PKD1L1: variants seen among roughly 807,000 people sequenced by gnomAD.
The protein encoded by PKD1L1 is polycystin-1-like protein 1.
Under a neutral mutation model 323.4 loss-of-function variants are expected in PKD1L1, and 236 were observed. The observed-to-expected ratio is 0.73, with a 90% confidence interval of 0.66 to 0.81. PKD1L1 has a LOEUF of 0.81. Ranked by LOEUF, PKD1L1 falls within the 40% of genes least tolerant of loss-of-function variation. The pLI is 0.00. For missense variants in PKD1L1, 3,320 were observed against 3,508.0 expected (o/e 0.95, Z 1.35); for synonymous variants, 1,344 against 1,335.0 (o/e 1.01, Z -0.15).
intron 31 of PKD1L1, among the ~76,000 whole-genome samples, chr7:47,850,425 A>G (rs1182279735): frequency 6.6e-6 from 1 of 152,184 alleles, no homozygotes; most frequent in Admixed American, 6.5e-5. Flanking sequence ...CGAGGTCAGG[A>G]GTTCAAGGCC....
intron 7 of PKD1L1, among the ~76,000 whole-genome samples, 163 bp downstream of exon 7, chr7:47,929,041 A>G (rs904289545): frequency 6.6e-6 from 1 of 152,190 alleles, no homozygotes; most frequent in African/African-American, 2.4e-5. Context: ...AAACCCACCT[A>G]CGTCCGCAGT....
At position 47,847,071 on chromosome 7, in the gene PKD1L1, T is replaced by C. The variant is rs1213099008; in HGVS notation, c.4961A>G (p.Asp1654Gly). 1 of 1,561,444 alleles carries C rather than the reference T, an allele frequency of 6.4e-7. No homozygotes were observed. Among genetic ancestry groups the C allele is most frequent in the Non-Finnish European group, 8.6e-7 (1 of 1,158,302 alleles). Reference sequence around the variant, plus strand: ...TAAGGATAAATAGCCTACACTGGCATCTAAAAAGAGAAAACATAAATAAAA... The same window carrying C: ...TAAGGATAAATAGCCTACACTGGCACCTAAAAAGAGAAAACATAAATAAAA... ...QIYIPAASQK[D>G]ASVGYLSLLD... Residue 1654 changes from aspartate to glycine, a missense_variant and splice_region_variant, in exon 32 of 57, where the codon GAT (aspartate) becomes GGT (glycine). Physicochemically the swap from Asp to Gly is moderately conservative, Grantham distance 94. Transcript: ENST00000289672.
intron 25 of PKD1L1, 94 bp from the exon 26 acceptor site, chr7:47,865,366 A>G (rs1188517630): frequency 4.5e-6 from 5 of 1,101,368 alleles, no homozygotes; most frequent in Non-Finnish European, 5.3e-6. Flanking sequence ...CTATGTAGAA[A>G]TAGTACAGAT....
chr7:47,822,570 G>A (rs1331843263), intron 45 of PKD1L1, among the ~76,000 whole-genome samples: 1 of 143,222 alleles, frequency 7.0e-6, no homozygotes, highest in Non-Finnish European at 1.5e-5. Context: ...GCTCCAGCCT[G>A]GGTGACAAAG....
intron 54 of PKD1L1, among the ~76,000 whole-genome samples, chr7:47,799,716 C>T (rs545575550): frequency 2.0e-5 from 3 of 152,150 alleles, no homozygotes; most frequent in East Asian, 3.9e-4. Flanking sequence ...TGGAGGGATC[C>T]GAGGGAAGGC....
chr7:47,837,391 G>A (rs879343978), intron 36 of PKD1L1, among the ~76,000 whole-genome samples: 7 of 152,124 alleles, frequency 4.6e-5, no homozygotes, highest in Non-Finnish European at 8.8e-5. Context: ...CTTCTTGGCA[G>A]CCCCCTTGCT....
At chr7:47,904,200 C>A (rs1404326990) in intron 12 of PKD1L1, among the ~76,000 whole-genome samples, 178 bp downstream of exon 12, 1 of 152,190 alleles carries the variant, frequency 6.6e-6, no homozygotes, top group African/African-American at 2.4e-5. Flanking sequence ...CTTTGTCTTT[C>A]CCCTGGACTA....
intron 13 of PKD1L1, among the ~76,000 whole-genome samples, chr7:47,901,164 C>T (rs1787078764): frequency 6.6e-6 from 1 of 151,738 alleles, no homozygotes; most frequent in African/African-American, 2.4e-5. Context: ...GCCAATATGG[C>T]AAAACCCCAT....
At chr7:47,945,714 G>A (rs1769927978) in intron 1 of PKD1L1, among the ~76,000 whole-genome samples, 1 of 152,116 alleles carries the variant, frequency 6.6e-6, no homozygotes. Context: ...TGTCCACCAC[G>A]TGCGCCCCAC....
rs1787877948 is a variant in PKD1L1, at chr7:47,936,899, A to C, written c.345T>G (p.Ala115=). Reference sequence around the variant, plus strand: ...GCGCCTGTGTTTTTTCATTAACAACAGCCTGTGTTTTTTCATTAACAACAC... The same window carrying C: ...GCGCCTGTGTTTTTTCATTAACAACCGCCTGTGTTTTTTCATTAACAACAC... ...ALSVVNEKTQ[A]VVNEKTQAPL... Residue 115 remains alanine (A), a synonymous_variant, in exon 4 of 57, where the codon GCT becomes GCG. Coordinates refer to ENST00000289672, the MANE Select transcript of PKD1L1 (RefSeq NM_138295.5). 1.2e-6 allele frequency: 2 copies of C among 1,613,676 alleles called. No individual in the cohort carries two copies. Among genetic ancestry groups the C allele is most frequent in the African/African-American group, 2.7e-5 (2 of 74,920 alleles).
chr7:47,822,328 C>T (rs1294277222), intron 45 of PKD1L1, among the ~76,000 whole-genome samples: 3 of 152,022 alleles, frequency 2.0e-5, no homozygotes, highest in Non-Finnish European at 2.9e-5. Flanking sequence ...CAGTAGCTCA[C>T]GCCTGTAATC....
At chr7:47,882,161 C>T (rs1477727817) in intron 19 of PKD1L1, 76 bp from the exon 20 acceptor site, 1 of 1,441,674 alleles carries the variant, frequency 6.9e-7, no homozygotes, top group Non-Finnish European at 9.6e-7. Flanking sequence ...TGATTCAATG[C>T]TGATATTAAT....
chr7:47,845,602 G>T (rs992733981), intron 32 of PKD1L1, among the ~76,000 whole-genome samples: 1 of 152,154 alleles, frequency 6.6e-6, no homozygotes, highest in East Asian at 1.9e-4. Flanking sequence ...TTGTTTGTTT[G>T]TTTTTGAGAT....
At chr7:47,930,712 G>A (rs1787751454) in intron 6 of PKD1L1, among the ~76,000 whole-genome samples, 1 of 152,002 alleles carries the variant, frequency 6.6e-6, no homozygotes, top group Non-Finnish European at 1.5e-5. Context: ...CTACTCAGGA[G>A]GCTGAGGCAG....
intron 26 of PKD1L1, among the ~76,000 whole-genome samples, chr7:47,862,172 G>T (rs964086825): frequency 1.2e-4 from 18 of 152,108 alleles, no homozygotes; most frequent in African/African-American, 4.3e-4. Context: ...TCCAGCTTGG[G>T]CGACAGAGTG....
chr7:47,927,537 T>C (rs1193350665), intron 7 of PKD1L1, among the ~76,000 whole-genome samples: 1 of 152,148 alleles, frequency 6.6e-6, no homozygotes, highest in Non-Finnish European at 1.5e-5. Flanking sequence ...GCACTAGTAT[T>C]ACAGGCGTGA....
rs2128759994 is a variant in PKD1L1, at chr7:47,946,565, C to T, written c.44+1832G>A. 6.6e-6 allele frequency among the ~76,000 whole-genome samples: 1 copy of T among 151,276 alleles called. No homozygotes were observed. Among genetic ancestry groups the T allele is most frequent in the Admixed American group, 6.6e-5 (1 of 15,154 alleles). On this transcript the variant is annotated intron_variant, in intron 1 of 56. Coordinates refer to ENST00000289672, the MANE Select transcript of PKD1L1 (RefSeq NM_138295.5). The surrounding 1 kb of genome is among the most constrained non-coding windows in gnomAD (Gnocchi z 4.1). The stretch of plus-strand genomic sequence containing the variant: ...TTACACACACATCACACAGCACACA[C>T]CATGTATCACACACACACCATACCC...
Position 47,842,274 on chromosome 7 carries a change from C to T in PKD1L1, c.5445+688G>A, listed in dbSNP as rs902153223. Reference sequence around the variant, plus strand: ...CATAAGCTTTAAAAATGTGTTGTGTCCCCATCTATCCTACTGCACTGTGGC... The same window carrying T: ...CATAAGCTTTAAAAATGTGTTGTGTTCCCATCTATCCTACTGCACTGTGGC... On this transcript the variant is annotated intron_variant, in intron 34 of 56. Transcript: ENST00000289672. Among the ~76,000 whole-genome samples, 10 of 152,052 alleles carry T rather than the reference C, an allele frequency of 6.6e-5. No homozygotes were observed. In the South Asian group the frequency reaches 8.3e-4, roughly 13 times the overall value.
At chr7:47,907,172 T>C (rs1326444155) in intron 9 of PKD1L1, among the ~76,000 whole-genome samples, 1 of 152,194 alleles carries the variant, frequency 6.6e-6, no homozygotes, top group Non-Finnish European at 1.5e-5. Context: ...GATGGAGAGT[T>C]TCTCACTAGT....
Sources: allele counts gnomAD v4.1 joint callset (sites outside exome capture counted in the v4.1 genomes callset), GRCh38; gene constraint gnomAD v4.1.1; non-coding constraint Gnocchi (gnomAD v3.1); transcripts MANE v1.5; gene names NCBI Gene and HGNC (gene_info 2026-07-23, HGNC 2026-07-21).